Variants in NPAS3 observed in about 807,000 individuals in gnomAD.
The protein encoded by NPAS3 is neuronal PAS domain-containing protein 3.
NPAS3 carries 14 observed loss-of-function variants against 73.1 expected under a neutral mutation model. That is an observed-to-expected ratio of 0.19 (90% CI 0.13 to 0.30). The LOEUF is 0.30. Among genes scored for constraint, NPAS3 ranks in the 10% least tolerant of loss-of-function variants. NPAS3 has a pLI of 1.00. For missense variants in NPAS3, 1,096 were observed against 1,250.0 expected (o/e 0.88, Z 1.86); for synonymous variants, 620 against 541.5 (o/e 1.14, Z -2.01).
At chr14:33,142,687 G>C (rs2044097390) in intron 2 of NPAS3, among the ~76,000 whole-genome samples, 1 of 152,008 alleles carries the variant, frequency 6.6e-6, no homozygotes, top group Non-Finnish European at 1.5e-5. Flanking sequence ...TTTTTATTGG[G>C]GAATAGAAAG....
At chr14:33,193,433 A>G (rs1002722231) in intron 2 of NPAS3, among the ~76,000 whole-genome samples, 3 of 152,118 alleles carry the variant, frequency 2.0e-5, no homozygotes. Flanking sequence ...GGGGGCAGCA[A>G]CAAAACAAGT....
chr14:33,225,615 T>G (rs1409685400), intron 3 of NPAS3, among the ~76,000 whole-genome samples: 1 of 152,222 alleles, frequency 6.6e-6, no homozygotes, highest in African/African-American at 2.4e-5. Flanking sequence ...TAATAAAACT[T>G]TATTTGTGGA....
At chr14:33,328,980 T>C (rs938652196) in intron 3 of NPAS3, among the ~76,000 whole-genome samples, 7 of 152,208 alleles carry the variant, frequency 4.6e-5, no homozygotes, top group Non-Finnish European at 7.3e-5. Context: ...AGTAGCATAT[T>C]ATTTAAGTTC....
intron 3 of NPAS3, among the ~76,000 whole-genome samples, chr14:33,228,443 A>C (rs1179548564): frequency 6.6e-6 from 1 of 152,186 alleles, no homozygotes; most frequent in African/African-American, 2.4e-5. Context: ...CTGCATCTGA[A>C]AGGAAAGGCC....
intron 3 of NPAS3, among the ~76,000 whole-genome samples, chr14:33,347,630 G>C (rs1375638114): frequency 1.3e-5 from 2 of 152,250 alleles, no homozygotes; most frequent in Non-Finnish European, 2.9e-5. Context: ...GGTATCCATG[G>C]GGAATTGGTT....
intron 6 of NPAS3, among the ~76,000 whole-genome samples, chr14:33,696,398 A>G (rs957486228): frequency 1.3e-5 from 2 of 152,230 alleles, no homozygotes; most frequent in African/African-American, 4.8e-5. Flanking sequence ...ACAAAATGAA[A>G]CGAGTATTTA....
chr14:33,228,452 C>T (rs2047718462), intron 3 of NPAS3, among the ~76,000 whole-genome samples: 1 of 152,054 alleles, frequency 6.6e-6, no homozygotes, highest in African/African-American at 2.4e-5. Context: ...AAAGGAAAGG[C>T]CAATTTGCTG....
chr14:33,752,626 C>T (rs948261212), intron 7 of NPAS3, among the ~76,000 whole-genome samples: 3 of 152,100 alleles, frequency 2.0e-5, no homozygotes, highest in South Asian at 2.1e-4. Context: ...AATTTTGATA[C>T]GGTTGTAAGA....
At chr14:32,940,402 C>G (rs1448004322) in intron 1 of NPAS3, among the ~76,000 whole-genome samples, 1 of 152,228 alleles carries the variant, frequency 6.6e-6, no homozygotes, top group African/African-American at 2.4e-5. Context: ...TGCTGTCCAC[C>G]CAGCCTACTT....
At chr14:33,753,428 C>T (rs7157379) in intron 7 of NPAS3, among the ~76,000 whole-genome samples, 19,606 of 151,348 alleles carry the variant, frequency 0.13, 3,288 homozygotes, top group African/African-American at 0.39. Context: ...AAGCCTTTCA[C>T]GTGTAACTGC....
intron 1 of NPAS3, among the ~76,000 whole-genome samples, chr14:33,034,121 T>C (rs966335409): frequency 1.3e-5 from 2 of 152,146 alleles, no homozygotes; most frequent in African/African-American, 4.8e-5. Flanking sequence ...GTTATTTTTA[T>C]ATGGGGTTAA....
At chr14:33,536,072 C>T (rs977393969) in intron 4 of NPAS3, among the ~76,000 whole-genome samples, 1 of 152,134 alleles carries the variant, frequency 6.6e-6, no homozygotes, top group East Asian at 1.9e-4. Context: ...TGAGCTAACC[C>T]CTACTAGTGC....
chr14:33,763,219 C>G (rs1279135815), intron 7 of NPAS3, among the ~76,000 whole-genome samples: 1 of 152,146 alleles, frequency 6.6e-6, no homozygotes, highest in Non-Finnish European at 1.5e-5. Flanking sequence ...TTGGCACCGC[C>G]GTGGATTCAT....
intron 1 of NPAS3, among the ~76,000 whole-genome samples, chr14:32,996,673 G>T (rs1307626055): frequency 6.6e-6 from 1 of 152,192 alleles, no homozygotes; most frequent in Non-Finnish European, 1.5e-5. Context: ...TGTTGAGCCT[G>T]CCAGTCCACA....
intron 6 of NPAS3, among the ~76,000 whole-genome samples, chr14:33,694,392 AG>A (rs1043358748): frequency 2.1e-4 from 32 of 152,156 alleles, no homozygotes; most frequent in African/African-American, 7.7e-4. Flanking sequence ...ACAGCCAAAA[AG>A]CCCCCCAAAA....
chr14:33,459,525 T>G (rs1287058323), intron 4 of NPAS3, among the ~76,000 whole-genome samples: 1 of 152,194 alleles, frequency 6.6e-6, no homozygotes, highest in African/African-American at 2.4e-5. Context: ...TTAAAATCAG[T>G]GTCATCTCAA....
intron 4 of NPAS3, among the ~76,000 whole-genome samples, chr14:33,448,814 A>G (rs2049645955): frequency 6.6e-6 from 1 of 152,210 alleles, no homozygotes; most frequent in Non-Finnish European, 1.5e-5. Context: ...TGAATGAAAA[A>G]TAGCAGCATA....
intron 4 of NPAS3, among the ~76,000 whole-genome samples, chr14:33,511,542 A>G (rs1566961942): frequency 6.6e-6 from 1 of 152,098 alleles, no homozygotes; most frequent in Non-Finnish European, 1.5e-5. Context: ...CATTTTTGGC[A>G]TGTGGCCGCG....
chr14:33,252,055 G>T (rs1487930958), intron 3 of NPAS3, among the ~76,000 whole-genome samples: 2 of 83,918 alleles, frequency 2.4e-5, no homozygotes, highest in African/African-American at 7.9e-5. Flanking sequence ...GTGTGTGTGT[G>T]TCTGTGTGTG....
Sources: allele counts gnomAD v4.1 joint callset (sites outside exome capture counted in the v4.1 genomes callset), GRCh38; gene constraint gnomAD v4.1.1; transcripts MANE v1.5; gene names NCBI Gene and HGNC (gene_info 2026-07-23, HGNC 2026-07-21).